Variants in PLD5 observed in about 807,000 individuals in gnomAD.
PLD5 encodes inactive phospholipase D5.
In PLD5, 36 loss-of-function variants were observed where a neutral mutation model predicts 61.1. That is an observed-to-expected ratio of 0.59 (90% confidence interval 0.45 to 0.78). The LOEUF (loss-of-function observed/expected upper bound fraction) is 0.78, where lower values mean the gene tolerates loss of function less well. Among genes scored for constraint, PLD5 ranks in the 30% least tolerant of loss-of-function variants. The pLI is 0.00. For synonymous variants in PLD5, 243 were observed against 242.8 expected (o/e 1.00, Z -0.01); for missense variants, 515 against 644.4 (o/e 0.80, Z 2.17).
chr1:242,490,137 C>A (rs1167341829), intron 1 of PLD5, among the ~76,000 whole-genome samples: 1 of 152,344 alleles, frequency 6.6e-6, no homozygotes, highest in Middle Eastern at 3.4e-3. Flanking sequence ...TGCCTCAATG[C>A]CCATCATCAA....
intron 1 of PLD5, among the ~76,000 whole-genome samples, chr1:242,367,732 C>A (rs185240497): frequency 6.6e-6 from 1 of 152,146 alleles, no homozygotes; most frequent in Admixed American, 6.5e-5. Context: ...GGTACTGAAC[C>A]CAGCAGTAAA....
At chr1:242,136,236 T>G (rs1663717996) in intron 5 of PLD5, among the ~76,000 whole-genome samples, 1 of 152,200 alleles carries the variant, frequency 6.6e-6, no homozygotes, top group South Asian at 2.1e-4. Flanking sequence ...TCGCTCAACC[T>G]CATTCTCCTA....
chr1:242,281,418 A>G (rs1481855011), intron 3 of PLD5, among the ~76,000 whole-genome samples: 1 of 152,178 alleles, frequency 6.6e-6, no homozygotes, highest in Non-Finnish European at 1.5e-5. Context: ...GGTCTTCAAT[A>G]TAGAACAAAA....
intron 5 of PLD5, among the ~76,000 whole-genome samples, chr1:242,171,170 A>C (rs944628831): frequency 1.3e-5 from 2 of 152,256 alleles, no homozygotes; most frequent in African/African-American, 4.8e-5. Context: ...AGGGAAGCTC[A>C]TCAGACTAAC....
At chr1:242,529,331 A>T (rs888243958), upstream of PLD5, among the ~76,000 whole-genome samples, 2 of 152,238 alleles carry the variant, frequency 1.3e-5, no homozygotes, top group African/African-American at 4.8e-5. Flanking sequence ...GAACTTATCT[A>T]TGTACAAACT....
chr1:242,512,156 A>C (rs533594843), intron 1 of PLD5, among the ~76,000 whole-genome samples: 5 of 151,948 alleles, frequency 3.3e-5, no homozygotes, highest in East Asian at 1.9e-4. Context: ...TCACGCCTGT[A>C]ATCCCAGCAC....
At chr1:242,491,288 G>T (rs1355700237) in intron 1 of PLD5, among the ~76,000 whole-genome samples, 1 of 152,120 alleles carries the variant, frequency 6.6e-6, no homozygotes, top group Admixed American at 6.5e-5. Context: ...AATTCTAGAA[G>T]AGAACATTGA....
At chr1:242,199,714 C>T (rs908558657) in intron 5 of PLD5, among the ~76,000 whole-genome samples, 2 of 152,164 alleles carry the variant, frequency 1.3e-5, no homozygotes, top group East Asian at 3.9e-4. Context: ...CCACACTCCG[C>T]CTCCATGTGT....
chr1:242,156,052 C>A (rs1054088283), intron 5 of PLD5, among the ~76,000 whole-genome samples: 1 of 152,050 alleles, frequency 6.6e-6, no homozygotes, highest in Admixed American at 6.6e-5. Context: ...GGTGCATATA[C>A]GTTTAGGACA....
chr1:242,117,990 C>G (rs1662083939), intron 6 of PLD5, among the ~76,000 whole-genome samples: 1 of 150,152 alleles, frequency 6.7e-6, no homozygotes, highest in South Asian at 2.1e-4. Flanking sequence ...ACATTTGTTT[C>G]AGTTAGGAAC....
At chr1:242,199,485 C>T (rs1288653938) in intron 5 of PLD5, among the ~76,000 whole-genome samples, 1 of 152,042 alleles carries the variant, frequency 6.6e-6, no homozygotes, top group Non-Finnish European at 1.5e-5. Flanking sequence ...GAACTCCTGG[C>T]CTCAAGTGAT....
At chr1:242,379,517 C>T (rs1173872458) in intron 1 of PLD5, among the ~76,000 whole-genome samples, 4 of 152,120 alleles carry the variant, frequency 2.6e-5, no homozygotes, top group African/African-American at 9.7e-5. Context: ...TGCAAATCTT[C>T]ACATGAACCT....
At chr1:242,440,163 T>C (rs1287121737) in intron 1 of PLD5, among the ~76,000 whole-genome samples, 1 of 152,204 alleles carries the variant, frequency 6.6e-6, no homozygotes, top group Non-Finnish European at 1.5e-5. Context: ...ACTAGACAAT[T>C]ACTTGAAACA....
At chr1:242,357,686 C>T (rs1660834361) in intron 1 of PLD5, among the ~76,000 whole-genome samples, 2 of 152,170 alleles carry the variant, frequency 1.3e-5, no homozygotes, top group Admixed American at 1.3e-4. Context: ...AGGGTTTCAC[C>T]ATGTTGGCCA....
intron 5 of PLD5, among the ~76,000 whole-genome samples, chr1:242,215,969 T>G (rs970118472): frequency 7.9e-5 from 12 of 152,240 alleles, no homozygotes; most frequent in Non-Finnish European, 2.9e-5. Context: ...AAATCTGCCC[T>G]GTTATCTGGG....
chr1:242,454,256 C>T (rs968689320), intron 1 of PLD5, among the ~76,000 whole-genome samples: 55 of 151,242 alleles, frequency 3.6e-4, no homozygotes, highest in African/African-American at 1.3e-3. Flanking sequence ...TCGCTTGAAC[C>T]TGGGAGGCAG....
intron 4 of PLD5, among the ~76,000 whole-genome samples, chr1:242,240,397 C>T (rs1671923108): frequency 6.6e-6 from 1 of 152,174 alleles, no homozygotes; most frequent in South Asian, 2.1e-4. Context: ...GTATTTAGTT[C>T]CTTCAACAGC....
intron 4 of PLD5, among the ~76,000 whole-genome samples, chr1:242,254,689 C>G (rs1388804041): frequency 2.0e-5 from 3 of 152,154 alleles, no homozygotes; most frequent in Non-Finnish European, 4.4e-5. Flanking sequence ...CCACCACCAC[C>G]ACCACCACTG....
chr1:242,417,972 T>C lies in PLD5; in HGVS notation c.190-69730A>G, dbSNP rs1664921882. On this transcript the variant is annotated intron_variant, in intron 1 of 9. Transcript: ENST00000536534. ...AAGAGTGAGTGATGTCATGTAGTTA[T>C]CACTCTAAAGGACACTTAGGCTGCT... Among the ~76,000 whole-genome samples the C allele has an allele frequency of 1.3e-5, 2 of 152,214 alleles. 1 individual carries two copies. The highest frequency in any genetic ancestry group is 4.1e-4 in the South Asian group (2 of 4,828).
Sources: gnomAD v4.1 joint callset for allele counts (sites outside exome capture counted in the v4.1 genomes callset) on GRCh38, gnomAD v4.1.1 for gene constraint, MANE v1.5 for transcripts, NCBI Gene and HGNC (gene_info 2026-07-23, HGNC 2026-07-21) for gene names.